The following RET variants were observed in gnomAD, a reference collection of about 807,000 sequenced individuals.
RET encodes the protein proto-oncogene tyrosine-protein kinase receptor Ret.
A neutral mutation model predicts 118.3 loss-of-function variants in RET; 19 were observed. The observed-to-expected ratio is 0.16, with a 90% CI of 0.11 to 0.24. RET has a LOEUF of 0.24. RET is among the 10% of genes least tolerant of loss of function. The probability of loss-of-function intolerance (pLI) is 1.00; values close to 1 mark genes in which losing one functional copy is unlikely to be tolerated. For missense variants in RET, 1,219 were observed against 1,502.1 expected (o/e 0.81, Z 3.12); for synonymous variants, 597 against 644.1 (o/e 0.93, Z 1.11).
intron 14 of RET, 38 bp downstream of exon 14, chr10:43,119,783 C>A (rs1382558552): frequency 6.2e-7 from 1 of 1,600,950 alleles, no homozygotes; most frequent in Non-Finnish European, 8.5e-7. Flanking sequence ...CAGCCCCGGC[C>A]AGGCCACACC....
chr10:43,114,388 G>A lies in RET; in HGVS notation c.1880-92G>A. On this transcript the variant is annotated intron_variant, in intron 10 of 19. Coordinates refer to ENST00000355710, the MANE Select transcript of RET (RefSeq NM_020975.6). The surrounding 1 kb of genome is among the most constrained non-coding windows in gnomAD (Gnocchi z 4.6). ...TTCCCAGCTGGCGCGGACACGGCAG[G>A]CTGGAGAGCCATGAGGCAGAGCATA... 5 of 1,559,610 alleles carry A rather than the reference G, an allele frequency of 3.2e-6. No individual in the cohort carries two copies. In the South Asian group the frequency reaches 3.4e-5, roughly 11 times the overall value.
rs1195293835 is a variant in RET, at chr10:43,119,753, C to T, written c.2607+8C>T. The T allele has an allele frequency of 6.2e-7, 1 of 1,612,078 alleles. No homozygotes were observed. Among genetic ancestry groups the T allele is most frequent in the Non-Finnish European group, 8.5e-7 (1 of 1,179,470 alleles). On this transcript the variant is annotated splice_region_variant and intron_variant, in intron 14 of 19. Transcript: ENST00000355710. ...TATCTGGCCGAGATGAAGGTGCGTG[C>T]ATATGGCTCTGCACCCAGCCAGCCC...
At position 43,111,286 on chromosome 10, in the gene RET, A is replaced by C. The variant is rs760832715; in HGVS notation, c.1343A>C (p.Asn448Thr). ...TACAAGCTGCATTCCTCTGGTGCCAACTGCAGCACGCTAGGGGTGGTCACC... is the reference window on the plus strand; with the variant it reads ...TACAAGCTGCATTCCTCTGGTGCCACCTGCAGCACGCTAGGGGTGGTCACC... ...VQYKLHSSGA[N>T]CSTLGVVTSA... The change falls in exon 7 of 20, where the codon AAC becomes ACC. Residue 448 changes from asparagine to threonine, a missense_variant. Physicochemically the swap from Asn to Thr is moderately conservative, Grantham distance 65. Around this residue, in one of 5 missense-constraint regions of RET, gnomAD observed 850 missense variants for 969.6 expected, o/e 0.88. Coordinates refer to ENST00000355710, the MANE Select transcript of RET (RefSeq NM_020975.6). 1 of 1,614,160 alleles carries C rather than the reference A, an allele frequency of 6.2e-7. No homozygotes were observed. Among genetic ancestry groups the C allele is most frequent in the South Asian group, 1.1e-5 (1 of 91,084 alleles).
intron 1 of RET, among the ~76,000 whole-genome samples, chr10:43,077,738 G>C (rs1837081137): frequency 6.6e-6 from 1 of 152,258 alleles, no homozygotes; most frequent in Non-Finnish European, 1.5e-5. Context: ...CGTGCGGAGA[G>C]TTCTGTTTCG....
chr10:43,077,361 G>A (rs1386484501), intron 1 of RET, 30 bp downstream of exon 1: 4 of 1,502,812 alleles, frequency 2.7e-6, no homozygotes, highest in South Asian at 2.5e-5. Flanking sequence ...GGCTCCCGCA[G>A]GGGCCAGGGC....
At chr10:43,127,082 T>TA in intron 19 of RET, 4 of 1,194,548 alleles carry the variant, frequency 3.3e-6, no homozygotes, top group Non-Finnish European at 4.2e-6. Context: ...AGTGGATAAA[T>TA]ATACAAATCT....
At chr10:43,089,606 A>G (rs897676036) in intron 1 of RET, among the ~76,000 whole-genome samples, 1 of 152,192 alleles carries the variant, frequency 6.6e-6, no homozygotes, top group Non-Finnish European at 1.5e-5. Context: ...CATTGTCAAG[A>G]GGCAGAACCA....
At chr10:43,120,354 G>A in intron 15 of RET, 151 bp downstream of exon 15, 2 of 1,176,598 alleles carry the variant, frequency 1.7e-6, no homozygotes, top group South Asian at 2.8e-5. Context: ...CTGACCCTGG[G>A]TCCCCAAGGA....
chr10:43,112,910 A>G lies in RET; in HGVS notation c.1706A>G (p.His569Arg), dbSNP rs765256156. Residue 569 changes from histidine to arginine, a missense_variant, in exon 9 of 20, where the codon CAC becomes CGC. Coordinates refer to ENST00000355710, the MANE Select transcript of RET (RefSeq NM_020975.6). ...SPSTKTCPDG[H>R]CDVVETQDIN... ...AGCACCAAGACCTGCCCCGACGGCC[A>G]CTGCGATGTTGTGGAGACCCAAGAC... 8.7e-6 allele frequency: 14 copies of G among 1,614,120 alleles called. No homozygotes were observed. Among genetic ancestry groups the G allele is most frequent in the Middle Eastern group, 1.7e-4 (1 of 6,060 alleles).
intron 12 of RET, among the ~76,000 whole-genome samples, chr10:43,117,410 C>A (rs1838098188): frequency 6.6e-6 from 1 of 152,246 alleles, no homozygotes; most frequent in Non-Finnish European, 1.5e-5. Flanking sequence ...CACAGGGAGA[C>A]CCTTGGATTT....
At chr10:43,081,995 G>A (rs908793070) in intron 1 of RET, among the ~76,000 whole-genome samples, 20 of 152,204 alleles carry the variant, frequency 1.3e-4, no homozygotes, top group African/African-American at 4.6e-4. Context: ...CCAGGCCTGG[G>A]CACTTGGATT....
chr10:43,101,919 G>A (rs1312868852), intron 2 of RET, among the ~76,000 whole-genome samples: 1 of 152,230 alleles, frequency 6.6e-6, no homozygotes, highest in Non-Finnish European at 1.5e-5. Context: ...TGGCTATGGC[G>A]CTTCGGTGAT....
intron 1 of RET, among the ~76,000 whole-genome samples, chr10:43,093,625 G>T (rs1214431619): frequency 1.3e-5 from 2 of 152,208 alleles, no homozygotes; most frequent in African/African-American, 4.8e-5. Context: ...CCAGCCGAGG[G>T]GGTGAGCAGC....
At chr10:43,105,233 C>T (rs2132709791) in intron 4 of RET, 40 bp downstream of exon 4, 1 of 1,611,788 alleles carries the variant, frequency 6.2e-7, no homozygotes, top group Non-Finnish European at 8.5e-7. Flanking sequence ...CAGTGTCTGT[C>T]TCCGGCCACA....
chr10:43,078,198 C>T (rs912860999), intron 1 of RET, among the ~76,000 whole-genome samples: 1 of 152,248 alleles, frequency 6.6e-6, no homozygotes, highest in African/African-American at 2.4e-5. Context: ...TCTTTGACCC[C>T]TTGGCACGCG....
intron 19 of RET, chr10:43,127,573 G>C (rs998947240): frequency 1.4e-5 from 12 of 829,580 alleles, no homozygotes; most frequent in Admixed American, 6.0e-5. Context: ...TTCAAGCTGA[G>C]ACGGTTCCTT....
At chr10:43,090,784 C>T (rs1413645472) in intron 1 of RET, among the ~76,000 whole-genome samples, 1 of 150,724 alleles carries the variant, frequency 6.6e-6, no homozygotes, top group South Asian at 2.3e-4. Flanking sequence ...AGAGGTTCCT[C>T]CTCTGCAGGC....
intron 6 of RET, 103 bp from the exon 7 acceptor site, chr10:43,111,104 T>G: frequency 2.6e-6 from 4 of 1,541,976 alleles, no homozygotes; most frequent in South Asian, 1.1e-5. Context: ...CCAGGCCCAG[T>G]TGGGGGCTGT....
At chr10:43,127,520 T>C in intron 19 of RET, 1 of 1,017,444 alleles carries the variant, frequency 9.8e-7, no homozygotes, top group South Asian at 4.5e-5. Context: ...GTTTCCTAAC[T>C]TCATCATTGA....
Sources: gnomAD v4.1 joint callset for allele counts (sites outside exome capture counted in the v4.1 genomes callset) on GRCh38, gnomAD v4.1.1 for gene constraint, gnomAD v4.1.1 regional missense constraint, Gnocchi (gnomAD v3.1) non-coding constraint, MANE v1.5 for transcripts, NCBI Gene and HGNC (gene_info 2026-07-23, HGNC 2026-07-21) for gene names.